Variants in CNTNAP2 observed in about 807,000 individuals in gnomAD.
CNTNAP2 encodes the protein contactin-associated protein-like 2.
In CNTNAP2, 98 loss-of-function variants were observed where a neutral mutation model predicts 155.2. The observed-to-expected ratio is 0.63, with a 90% CI of 0.54 to 0.75. The LOEUF is 0.75. Among genes scored for constraint, CNTNAP2 ranks in the 30% least tolerant of loss-of-function variants. CNTNAP2 has a pLI of 0.00. For synonymous variants in CNTNAP2, 651 were observed against 631.2 expected (o/e 1.03, Z -0.47); for missense variants, 1,727 against 1,688.1 (o/e 1.02, Z -0.40).
chr7:148,005,229 C>T (rs1321616903), intron 15 of CNTNAP2, among the ~76,000 whole-genome samples: 2 of 152,180 alleles, frequency 1.3e-5, no homozygotes, highest in African/African-American at 4.8e-5. Flanking sequence ...CTTATATCCT[C>T]CCAAGTGGGA....
intron 18 of CNTNAP2, among the ~76,000 whole-genome samples, chr7:148,180,152 AG>A (rs1363587639): frequency 1.3e-5 from 2 of 152,364 alleles, no homozygotes; most frequent in South Asian, 2.1e-4. Context: ...ATTTTTCCTC[AG>A]GTCTACCTAT....
intron 1 of CNTNAP2, among the ~76,000 whole-genome samples, chr7:146,496,850 A>G (rs1302253603): frequency 6.6e-6 from 1 of 152,206 alleles, no homozygotes; most frequent in Non-Finnish European, 1.5e-5. Flanking sequence ...ATTTTGTCAC[A>G]TCCTGTAGAC....
intron 9 of CNTNAP2, among the ~76,000 whole-genome samples, chr7:147,384,173 T>TTGGTCTATC (rs2116936849): frequency 6.6e-6 from 1 of 152,250 alleles, no homozygotes; most frequent in South Asian, 2.1e-4. Context: ...AGGATAGACA[T>TTGGTCTATC]CTTAAGTATT....
chr7:147,633,637 A>C (rs1308259325), intron 12 of CNTNAP2, among the ~76,000 whole-genome samples: 1 of 152,102 alleles, frequency 6.6e-6, no homozygotes, highest in Non-Finnish European at 1.5e-5. Flanking sequence ...AGATGGAGTT[A>C]ATTGAATCAT....
chr7:147,896,853 C>A (rs1799784993), intron 13 of CNTNAP2, among the ~76,000 whole-genome samples: 1 of 152,134 alleles, frequency 6.6e-6, no homozygotes, highest in South Asian at 2.1e-4. Context: ...GGGCTATTAT[C>A]ATCCTTGTTT....
intron 3 of CNTNAP2, among the ~76,000 whole-genome samples, chr7:146,940,646 A>C (rs1797033774): frequency 6.6e-6 from 1 of 151,904 alleles, no homozygotes; most frequent in African/African-American, 2.4e-5. Flanking sequence ...AATTGAATTT[A>C]AGCTCCACAG....
intron 1 of CNTNAP2, among the ~76,000 whole-genome samples, chr7:146,376,301 C>G (rs1795302688): frequency 6.6e-6 from 1 of 152,114 alleles, no homozygotes; most frequent in South Asian, 2.1e-4. Flanking sequence ...TCCTTACTCT[C>G]TTAGAGTCTT....
At chr7:147,338,354 TA>T (rs34114824) in intron 9 of CNTNAP2, among the ~76,000 whole-genome samples, 119,651 of 152,012 alleles carry the variant, frequency 0.79, 47,689 homozygotes, top group African/African-American at 0.92. Context: ...TTTCCTCATG[TA>T]AAAAATTCAC....
intron 4 of CNTNAP2, among the ~76,000 whole-genome samples, chr7:147,106,836 T>C (rs942746184): frequency 1.3e-5 from 2 of 152,176 alleles, no homozygotes; most frequent in East Asian, 1.9e-4. Flanking sequence ...AGGAATTTAT[T>C]TGGTGGTATG....
At position 146,778,600 on chromosome 7, in the gene CNTNAP2, C is replaced by T. The variant is rs939786223; in HGVS notation, c.208+4219C>T. Among the ~76,000 whole-genome samples the T allele has an allele frequency of 3.9e-5, 6 of 152,184 alleles. No individual in the cohort carries two copies. The East Asian group carries it at 9.6e-4, about 24-fold the overall frequency. On this transcript the variant is annotated intron_variant, in intron 2 of 23. Transcript: ENST00000361727. ...GAGTTAGTAGCACTTAGATGTGTTA[C>T]TCTTTCCAAGGTTAGCACAGATACA...
At chr7:147,854,530 C>T (rs909752339) in intron 13 of CNTNAP2, among the ~76,000 whole-genome samples, 47 of 152,056 alleles carry the variant, frequency 3.1e-4, no homozygotes, top group African/African-American at 9.6e-4. Flanking sequence ...AACTGCATAC[C>T]CACAACATTT....
At chr7:146,905,717 G>A (rs1182382599) in intron 3 of CNTNAP2, among the ~76,000 whole-genome samples, 3 of 152,120 alleles carry the variant, frequency 2.0e-5, no homozygotes, top group African/African-American at 7.2e-5. Context: ...TAAGCCAGTG[G>A]GTGTTACTGT....
chr7:148,395,589 C>T (rs1386492272), intron 22 of CNTNAP2, among the ~76,000 whole-genome samples: 1 of 152,004 alleles, frequency 6.6e-6, no homozygotes, highest in African/African-American at 2.4e-5. Flanking sequence ...TCTGTCAAGG[C>T]TCAGCCATGA....
chr7:147,512,062 G>A (rs959020518), intron 11 of CNTNAP2, among the ~76,000 whole-genome samples: 2 of 152,106 alleles, frequency 1.3e-5, no homozygotes, highest in Non-Finnish European at 2.9e-5. Flanking sequence ...GATACAAACT[G>A]GACACATTTT....
At chr7:146,960,686 A>G (rs865891982) in intron 3 of CNTNAP2, among the ~76,000 whole-genome samples, 38 of 152,368 alleles carry the variant, frequency 2.5e-4, no homozygotes, top group Middle Eastern at 6.8e-3. Flanking sequence ...CAAACAATAG[A>G]CAAATCCTTA....
At chr7:148,118,073 G>A (rs1381240172) in intron 15 of CNTNAP2, 45 bp from the exon 16 acceptor site, 1 of 1,597,132 alleles carries the variant, frequency 6.3e-7, no homozygotes, top group Admixed American at 1.7e-5. Context: ...TGACTAGGCT[G>A]ATCAGGGTGT....
chr7:147,188,531 A>G (rs911240250), intron 8 of CNTNAP2, among the ~76,000 whole-genome samples: 17 of 152,234 alleles, frequency 1.1e-4, no homozygotes, highest in Non-Finnish European at 7.3e-5. Flanking sequence ...AGAAAGCACC[A>G]GATTGGGCTT....
At chr7:147,083,766 A>C (rs2129269396) in intron 4 of CNTNAP2, among the ~76,000 whole-genome samples, 1 of 142,648 alleles carries the variant, frequency 7.0e-6, no homozygotes, top group South Asian at 2.2e-4. Flanking sequence ...ATATATGTGT[A>C]TACACATATA....
At chr7:147,933,056 G>GGTTT (rs71527856) in intron 14 of CNTNAP2, among the ~76,000 whole-genome samples, 1,848 of 145,264 alleles carry the variant, frequency 0.013, 29 homozygotes, top group African/African-American at 0.039. Flanking sequence ...TATTTGAGGG[G>GGTTT]GTTTGTTTGT....
Sources: gnomAD v4.1 joint callset for allele counts (sites outside exome capture counted in the v4.1 genomes callset) on GRCh38, gnomAD v4.1.1 for gene constraint, MANE v1.5 for transcripts, NCBI Gene and HGNC (gene_info 2026-07-23, HGNC 2026-07-21) for gene names.